The following PIP4K2A variants were observed in gnomAD, a reference collection of about 807,000 sequenced individuals.
PIP4K2A encodes the protein phosphatidylinositol-5-phosphate 4-kinase type 2 alpha.
Under a neutral mutation model 42.9 loss-of-function variants are expected in PIP4K2A, and 14 were observed. The observed-to-expected ratio is 0.33, with a 90% confidence interval of 0.22 to 0.51. The LOEUF is 0.51. Ranked by LOEUF, PIP4K2A falls within the 20% of genes least tolerant of loss-of-function variation. PIP4K2A has a pLI of 0.97. For synonymous variants in PIP4K2A, 192 were observed against 192.2 expected, an observed-to-expected ratio of 1.00 and a Z score of 0.01; for missense variants, 434 against 519.8, an observed-to-expected ratio of 0.83 and a Z score of 1.61.
chr10:22,597,784 T>C (rs1167162848), intron 3 of PIP4K2A, among the ~76,000 whole-genome samples: 3 of 151,976 alleles, frequency 2.0e-5, no homozygotes, highest in African/African-American at 7.3e-5. Flanking sequence ...ATCACCTAAT[T>C]TAAAAGGGCA....
rs138327782 is a variant in PIP4K2A, at chr10:22,683,835, TCACACACACACACACACACA to T, written c.144+30328_144+30347del. Among the ~76,000 whole-genome samples the T allele has an allele frequency of 3.1e-4, 43 of 139,402 alleles. No homozygotes were observed. The East Asian group carries it at 3.8e-3, about 12-fold the overall frequency. 91.5% of individuals were successfully genotyped at this position (139,402 alleles called of 152,430 possible). A position where few individuals can be genotyped will look rare whatever the true frequency, so the allele number is the denominator to read the frequency against. Reference sequence around the variant, plus strand: ...TCTTGTAGCTTTCCTACCAAGCAGTTCACACACACACACACACACACACACACACACACACACACAATTCA... The same window carrying T: ...TCTTGTAGCTTTCCTACCAAGCAGTTCACACACACACACACACACAATTCA... On this transcript the variant is annotated intron_variant, in intron 1 of 9. Coordinates refer to ENST00000376573, the MANE Select transcript of PIP4K2A (RefSeq NM_005028.5).
At chr10:22,601,863 C>T (rs1428930817) in intron 3 of PIP4K2A, among the ~76,000 whole-genome samples, 2 of 152,206 alleles carry the variant, frequency 1.3e-5, no homozygotes, top group African/African-American at 4.8e-5. Context: ...AACATCCCTC[C>T]CTCTGTGACC....
At chr10:22,624,632 T>C (rs999497133) in intron 1 of PIP4K2A, among the ~76,000 whole-genome samples, 4 of 152,194 alleles carry the variant, frequency 2.6e-5, no homozygotes, top group Non-Finnish European at 5.9e-5. Context: ...TCCAAATTCA[T>C]GGACCTTTGC....
intron 1 of PIP4K2A, among the ~76,000 whole-genome samples, chr10:22,613,566 C>T (rs918953907): frequency 6.6e-6 from 1 of 152,090 alleles, no homozygotes; most frequent in South Asian, 2.1e-4. Flanking sequence ...GCCATGGCCA[C>T]CTGCTAAGAG....
At chr10:22,686,166 G>A (rs573358987) in intron 1 of PIP4K2A, among the ~76,000 whole-genome samples, 9 of 152,176 alleles carry the variant, frequency 5.9e-5, no homozygotes, top group African/African-American at 2.2e-4. Context: ...GGCACATTTC[G>A]GATAATTTCA....
At chr10:22,567,032 T>C (rs1836862719) in intron 6 of PIP4K2A, among the ~76,000 whole-genome samples, 1 of 152,188 alleles carries the variant, frequency 6.6e-6, no homozygotes, top group Admixed American at 6.5e-5. Context: ...AAAACTGCTA[T>C]CAGTCTAAAA....
chr10:22,588,469 C>T (rs1352697278), intron 4 of PIP4K2A, among the ~76,000 whole-genome samples: 7 of 152,210 alleles, frequency 4.6e-5, no homozygotes, highest in African/African-American at 1.7e-4. Flanking sequence ...ATCAAGCATG[C>T]TGGTCATCTT....
At chr10:22,685,023 C>T (rs940678381) in intron 1 of PIP4K2A, among the ~76,000 whole-genome samples, 2 of 152,184 alleles carry the variant, frequency 1.3e-5, no homozygotes, top group African/African-American at 4.8e-5. Context: ...TTACTGGTGA[C>T]ACTCTTGTCA....
At chr10:22,617,121 T>A (rs1406061982) in intron 1 of PIP4K2A, among the ~76,000 whole-genome samples, 1 of 152,252 alleles carries the variant, frequency 6.6e-6, no homozygotes, top group Non-Finnish European at 1.5e-5. Flanking sequence ...GACATTTACA[T>A]CACATGCAAG....
At chr10:22,537,307 A>G (rs1288800308) in intron 9 of PIP4K2A, 26 bp from the exon 10 acceptor site, 2 of 1,533,868 alleles carry the variant, frequency 1.3e-6, no homozygotes, top group Non-Finnish European at 1.8e-6. Context: ...AAAAGGAAAT[A>G]TTGACATAGT....
chr10:22,550,627 A>G (rs367563584), intron 7 of PIP4K2A, 32 bp downstream of exon 7: 34 of 1,117,518 alleles, frequency 3.0e-5, no homozygotes, highest in Non-Finnish European at 4.3e-5. Flanking sequence ...TATTTATACA[A>G]TGAGTCTGGC....
chr10:22,671,493 C>G (rs1249036979), intron 1 of PIP4K2A, among the ~76,000 whole-genome samples: 1 of 152,050 alleles, frequency 6.6e-6, no homozygotes, highest in African/African-American at 2.4e-5. Flanking sequence ...AAGGTGGCAG[C>G]CTGATGCCTG....
intron 3 of PIP4K2A, among the ~76,000 whole-genome samples, chr10:22,597,908 T>C (rs1455031102): frequency 1.3e-5 from 2 of 152,230 alleles, no homozygotes; most frequent in Non-Finnish European, 2.9e-5. Flanking sequence ...CTTACCCTTA[T>C]CTACCTGTCT....
chr10:22,541,498 CACGT>C (rs1287361502), intron 8 of PIP4K2A, among the ~76,000 whole-genome samples: 1 of 152,182 alleles, frequency 6.6e-6, no homozygotes. Context: ...GTTGTGTGTG[CACGT>C]ACGTTGTATG....
intron 4 of PIP4K2A, among the ~76,000 whole-genome samples, chr10:22,582,452 T>C (rs1837300981): frequency 6.6e-6 from 1 of 152,214 alleles, no homozygotes. Flanking sequence ...GATAAATATT[T>C]ATATCTCCGC....
chr10:22,653,507 A>G lies in PIP4K2A; in HGVS notation c.145-43790T>C, dbSNP rs541688516. The stretch of plus-strand genomic sequence containing the variant: ...TCTTAATCTTTCTCTTAATGATTCA[A>G]TTCAGCAGATGCACACTGGGAAGGC... On this transcript the variant is annotated intron_variant, in intron 1 of 9. Transcript: ENST00000376573. Among the ~76,000 whole-genome samples the G allele has an allele frequency of 5.9e-5, 9 of 152,342 alleles. No individual in the cohort carries two copies. The South Asian group carries it at 1.2e-3, about 21-fold the overall frequency.
intron 6 of PIP4K2A, among the ~76,000 whole-genome samples, chr10:22,555,759 T>TA (rs542246485): frequency 1.6e-3 from 233 of 143,274 alleles, no homozygotes; most frequent in Middle Eastern, 3.5e-3. Flanking sequence ...CCTGGATAAT[T>TA]AAAAAAAAAA....
At chr10:22,671,745 TACACACACAC>T (rs143696456) in intron 1 of PIP4K2A, among the ~76,000 whole-genome samples, 17,191 of 144,630 alleles carry the variant, frequency 0.12, 1,082 homozygotes, top group Middle Eastern at 0.21. Context: ...ACTTGGAAAA[TACACACACAC>T]ACACACACAC....
intron 1 of PIP4K2A, among the ~76,000 whole-genome samples, chr10:22,692,180 G>C (rs1839885114): frequency 6.6e-6 from 1 of 151,826 alleles, no homozygotes; most frequent in South Asian, 2.1e-4. Context: ...GACAGTGACA[G>C]ATCATCAGGT....
Sources: allele counts gnomAD v4.1 joint callset (sites outside exome capture counted in the v4.1 genomes callset), GRCh38; gene constraint gnomAD v4.1.1; transcripts MANE v1.5; gene names NCBI Gene and HGNC (gene_info 2026-07-23, HGNC 2026-07-21).